The following TOX variants were observed in gnomAD, a reference collection of about 807,000 sequenced individuals.
The protein encoded by TOX is thymocyte selection associated high mobility group box, also known as thymocyte selection-associated high mobility group box protein TOX.
A neutral mutation model predicts 53.7 loss-of-function variants in TOX; 11 were observed. The observed-to-expected ratio is 0.20, with a 90% CI of 0.13 to 0.34. TOX has a LOEUF of 0.34. Ranked by LOEUF, TOX falls within the 10% of genes least tolerant of loss-of-function variation. The pLI is 1.00. For synonymous variants in TOX, 225 were observed against 245.3 expected (o/e 0.92, Z 0.77); for missense variants, 570 against 664.6 (o/e 0.86, Z 1.56).
At chr8:59,008,555 G>A (rs1813835390) in intron 1 of TOX, among the ~76,000 whole-genome samples, 1 of 146,810 alleles carries the variant, frequency 6.8e-6, no homozygotes, top group Non-Finnish European at 1.5e-5. Context: ...CATCACCTGA[G>A]AGTGGGTCTT....
intron 3 of TOX, among the ~76,000 whole-genome samples, chr8:58,875,973 C>G (rs1251466160): frequency 6.6e-6 from 1 of 152,172 alleles, no homozygotes; most frequent in Non-Finnish European, 1.5e-5. Context: ...TTAAGACAGA[C>G]TGATCTGGTC....
chr8:58,964,208 CAT>C, intron 1 of TOX, among the ~76,000 whole-genome samples: 1 of 152,268 alleles, frequency 6.6e-6, no homozygotes, highest in African/African-American at 2.4e-5. Context: ...TAATATAAAA[CAT>C]ATAGACTGGT....
intron 3 of TOX, among the ~76,000 whole-genome samples, chr8:58,905,020 C>T (rs1420208680): frequency 1.3e-5 from 2 of 152,226 alleles, no homozygotes; most frequent in African/African-American, 2.4e-5. Flanking sequence ...GCAAGCTCCA[C>T]CTCCCAGGTT....
intron 6 of TOX, among the ~76,000 whole-genome samples, chr8:58,821,245 A>G (rs1810270197): frequency 6.6e-6 from 1 of 152,146 alleles, no homozygotes; most frequent in South Asian, 2.1e-4. Context: ...TGATATAAAG[A>G]CAAATTGAAA....
intron 3 of TOX, among the ~76,000 whole-genome samples, chr8:58,938,254 T>C (rs1812379639): frequency 6.6e-6 from 1 of 152,194 alleles, no homozygotes; most frequent in Admixed American, 6.5e-5. Context: ...TCACTCAAGT[T>C]AGAGATATAT....
At chr8:58,987,291 TC>T (rs1298176447) in intron 1 of TOX, among the ~76,000 whole-genome samples, 1 of 152,008 alleles carries the variant, frequency 6.6e-6, no homozygotes, top group African/African-American at 2.4e-5. Context: ...ACACTGGCCT[TC>T]CCCCCAGCAC....
chr8:58,944,430 G>T lies in TOX; in HGVS notation c.169-4886C>A, dbSNP rs189934594. Among the ~76,000 whole-genome samples, 27 of 152,252 alleles carry T rather than the reference G, an allele frequency of 1.8e-4. No individual in the cohort carries two copies. The East Asian group carries it at 3.9e-3, about 22-fold the overall frequency. Reference sequence around the variant, plus strand: ...TCATTTTCTTAAAACCTTAAAATTTGGTAATCGCACATTTAGCTTATAAAG... The same window carrying T: ...TCATTTTCTTAAAACCTTAAAATTTTGTAATCGCACATTTAGCTTATAAAG... On this transcript the variant is annotated intron_variant, in intron 2 of 8. Coordinates refer to ENST00000361421, the MANE Select transcript of TOX (RefSeq NM_014729.3).
intron 1 of TOX, among the ~76,000 whole-genome samples, chr8:59,052,643 C>T (rs2129421385): frequency 6.6e-6 from 1 of 152,252 alleles, no homozygotes; most frequent in East Asian, 1.9e-4. Flanking sequence ...TTACATGAGG[C>T]AACATAAGAG....
intron 1 of TOX, among the ~76,000 whole-genome samples, chr8:59,004,177 A>G (rs1813745424): frequency 6.6e-6 from 1 of 152,232 alleles, no homozygotes; most frequent in Admixed American, 6.5e-5. Context: ...ATGTCATTTC[A>G]GCCACTGTAA....
intron 3 of TOX, among the ~76,000 whole-genome samples, chr8:58,905,140 C>T (rs372767156): frequency 1.3e-5 from 2 of 152,136 alleles, no homozygotes; most frequent in African/African-American, 2.4e-5. Context: ...ACCATGTTGG[C>T]GAGGATGGTC....
At chr8:59,010,897 A>C (rs903414850) in intron 1 of TOX, among the ~76,000 whole-genome samples, 1 of 152,202 alleles carries the variant, frequency 6.6e-6, no homozygotes, top group Admixed American at 6.5e-5. Context: ...GATATGGCTC[A>C]GGTTGCCCGG....
At chr8:58,863,782 T>C (rs1200947584) in intron 3 of TOX, among the ~76,000 whole-genome samples, 1 of 152,124 alleles carries the variant, frequency 6.6e-6, no homozygotes, top group Non-Finnish European at 1.5e-5. Flanking sequence ...TGAGAGGTCC[T>C]AGGGGAAACA....
At chr8:59,012,156 G>A (rs1813918185) in intron 1 of TOX, among the ~76,000 whole-genome samples, 1 of 151,856 alleles carries the variant, frequency 6.6e-6, no homozygotes, top group Non-Finnish European at 1.5e-5. Context: ...TAAATGACCT[G>A]GAATCCCACC....
chr8:58,850,516 T>G (rs1475284133), intron 4 of TOX, among the ~76,000 whole-genome samples: 1 of 152,144 alleles, frequency 6.6e-6, no homozygotes, highest in Non-Finnish European at 1.5e-5. Context: ...CTAGGGGCGA[T>G]GTAGGGTAGA....
intron 1 of TOX, among the ~76,000 whole-genome samples, chr8:58,993,774 T>G (rs1813500601): frequency 6.6e-6 from 1 of 152,172 alleles, no homozygotes; most frequent in African/African-American, 2.4e-5. Context: ...GTCATTAGTT[T>G]TATCCTTTTA....
intron 3 of TOX, among the ~76,000 whole-genome samples, chr8:58,914,759 AC>A (rs1811974376): frequency 7.5e-6 from 1 of 133,218 alleles, no homozygotes; most frequent in Non-Finnish European, 1.8e-5. Context: ...GACGCAGAAG[AC>A]GGGTGATTTC....
chr8:58,809,153 T>A (rs563369857), intron 7 of TOX, among the ~76,000 whole-genome samples: 1 of 152,350 alleles, frequency 6.6e-6, no homozygotes, highest in South Asian at 2.1e-4. Context: ...CAAGTTTTTC[T>A]GGAAATGACC....
intron 1 of TOX, among the ~76,000 whole-genome samples, chr8:59,071,058 C>A (rs1563436976): frequency 6.6e-6 from 1 of 152,168 alleles, no homozygotes; most frequent in Non-Finnish European, 1.5e-5. Context: ...TTATAAATTG[C>A]AATTTGGTGT....
At position 58,829,553 on chromosome 8, in the gene TOX, T is replaced by C. The variant is rs759385433; in HGVS notation, c.925-2651A>G. 3.4e-4 allele frequency among the ~76,000 whole-genome samples: 52 copies of C among 152,314 alleles called. 1 individual carries two copies. The highest frequency in any genetic ancestry group is 6.5e-4 in the Non-Finnish European group (44 of 68,016). On this transcript the variant is annotated intron_variant, in intron 5 of 8. Transcript: ENST00000361421. Reference sequence around the variant, plus strand: ...AAGGGGGGTCATTTCAGAAGGTAGATTCCTGTAATTGTGTTGAAAGGGGAG... The same window carrying C: ...AAGGGGGGTCATTTCAGAAGGTAGACTCCTGTAATTGTGTTGAAAGGGGAG...
Sources: gnomAD v4.1 joint callset for allele counts (sites outside exome capture counted in the v4.1 genomes callset) on GRCh38, gnomAD v4.1.1 for gene constraint, MANE v1.5 for transcripts, NCBI Gene and HGNC (gene_info 2026-07-23, HGNC 2026-07-21) for gene names.